MYO9A: variants seen among roughly 807,000 people sequenced by gnomAD.
MYO9A encodes unconventional myosin-IXa.
MYO9A carries 103 observed loss-of-function variants against 293.3 expected under a neutral mutation model. The observed-to-expected ratio is 0.35, with a 90% CI of 0.30 to 0.41. The LOEUF is 0.41. MYO9A is among the 10% of genes least tolerant of loss of function. MYO9A has a pLI of 1.00. For missense variants in MYO9A, 2,685 were observed against 3,033.0 expected, an observed-to-expected ratio of 0.89 and a Z score of 2.69; for synonymous variants, 1,001 against 1,035.7, an observed-to-expected ratio of 0.97 and a Z score of 0.64.
intron 8 of MYO9A, among the ~76,000 whole-genome samples, chr15:72,003,324 G>T (rs1395707061): frequency 3.5e-5 from 5 of 143,872 alleles, no homozygotes; most frequent in Non-Finnish European, 6.1e-5. Context: ...CAAAGCAAAA[G>T]AAAAAAACTA....
intron 26 of MYO9A, chr15:71,892,271 T>G (rs1435645961): frequency 6.6e-6 from 1 of 152,242 alleles, no homozygotes; most frequent in Non-Finnish European, 1.5e-5. Context: ...TAATACAAAT[T>G]CACATTACAT....
intron 32 of MYO9A, among the ~76,000 whole-genome samples, chr15:71,867,056 C>CA (rs550084965): frequency 2.9e-4 from 42 of 143,874 alleles, no homozygotes; most frequent in African/African-American, 4.1e-4. Flanking sequence ...GACTCTGTAT[C>CA]AAAAAAAACA....
chr15:71,910,182 A>ATATATATATACGTGTGTATATAT (rs1567260909), intron 19 of MYO9A, among the ~76,000 whole-genome samples: 1 of 145,736 alleles, frequency 6.9e-6, no homozygotes, highest in Non-Finnish European at 1.5e-5. Context: ...ATATATATAT[A>ATATATATATACGTGTGTATATAT]AAATCAGAAA....
chr15:71,826,804 A>ATGG lies in MYO9A; in HGVS notation c.7420_7422dup (p.Pro2474dup). 2 of 1,614,128 alleles carry ATGG rather than the reference A, an allele frequency of 1.2e-6. No individual in the cohort carries two copies. Among genetic ancestry groups the ATGG allele is most frequent in the Non-Finnish European group, 1.7e-6 (2 of 1,179,992 alleles). ...TCTTCCAGGAATTTGGTCTGGCCCA[A>ATGG]TGGTCCTTCCATTCCCAGGGCCTCA... On this transcript the variant is annotated inframe_insertion, in exon 42 of 42. Transcript: ENST00000356056.
At chr15:72,002,083 CCTCT>C (rs1227073256) in intron 8 of MYO9A, among the ~76,000 whole-genome samples, 2 of 151,984 alleles carry the variant, frequency 1.3e-5, no homozygotes, top group Admixed American at 1.3e-4. Context: ...AGCAAGACCT[CCTCT>C]CTACTAAAAA....
At chr15:72,084,873 T>C (rs1303921478) in intron 1 of MYO9A, among the ~76,000 whole-genome samples, 4 of 152,160 alleles carry the variant, frequency 2.6e-5, no homozygotes, top group Non-Finnish European at 5.9e-5. Context: ...ATGAATGAGA[T>C]CCTGAAATAT....
chr15:71,851,904 A>C (rs1432084246), intron 36 of MYO9A, among the ~76,000 whole-genome samples: 1 of 152,202 alleles, frequency 6.6e-6, no homozygotes, highest in African/African-American at 2.4e-5. Flanking sequence ...GAAGCAACCA[A>C]GTGTCTCACT....
At chr15:72,028,341 A>G (rs973411515) in intron 3 of MYO9A, among the ~76,000 whole-genome samples, 2 of 150,414 alleles carry the variant, frequency 1.3e-5, no homozygotes, top group African/African-American at 4.9e-5. Context: ...TCACTAAAGC[A>G]AAATAAAATA....
intron 34 of MYO9A, 99 bp from the exon 35 acceptor site, chr15:71,854,668 GT>G: frequency 1.1e-6 from 1 of 921,720 alleles, no homozygotes; most frequent in Non-Finnish European, 1.6e-6. Flanking sequence ...TTTCTCTGAA[GT>G]TTTATGAGCA....
intron 11 of MYO9A, among the ~76,000 whole-genome samples, chr15:71,984,662 C>T (rs1156751530): frequency 1.3e-5 from 2 of 152,282 alleles, no homozygotes; most frequent in East Asian, 3.9e-4. Context: ...TTCTTCTGGT[C>T]TATCTTCCAA....
intron 33 of MYO9A, among the ~76,000 whole-genome samples, chr15:71,862,276 C>T (rs117164880): frequency 2.0e-5 from 3 of 152,138 alleles, no homozygotes; most frequent in Non-Finnish European, 4.4e-5. Context: ...GGGACAAGAC[C>T]ATTTTAGACA....
rs149033523 is a variant in MYO9A at position 72,025,891 on chromosome 15, T to C, written c.998+1840A>G. Among the ~76,000 whole-genome samples, 995 of 152,282 alleles carry C rather than the reference T, an allele frequency of 6.5e-3. 6 individuals are homozygous for C. Among genetic ancestry groups the C allele is most frequent in the Middle Eastern group, 0.017 (5 of 294 alleles). On this transcript the variant is annotated intron_variant, in intron 4 of 41. Coordinates refer to ENST00000356056, the MANE Select transcript of MYO9A (RefSeq NM_006901.4). ...AGTCCACATGGAGTATCCTCCAGGGTAGACCATGTGTAGTCTACTACAAAA... is the reference window on the plus strand; with the variant it reads ...AGTCCACATGGAGTATCCTCCAGGGCAGACCATGTGTAGTCTACTACAAAA...
chr15:71,839,719 T>C (rs879395077), intron 39 of MYO9A, among the ~76,000 whole-genome samples: 60 of 151,524 alleles, frequency 4.0e-4, no homozygotes, highest in Admixed American at 9.2e-4. Context: ...CTGAATCGGC[T>C]TTTTTTTTGT....
intron 35 of MYO9A, 85 bp downstream of exon 35, chr15:71,854,292 T>C (rs1004881351): frequency 4.3e-5 from 47 of 1,083,006 alleles, no homozygotes; most frequent in South Asian, 2.4e-4. Flanking sequence ...AAGTAAAGGA[T>C]TGACATGTAA....
At chr15:71,912,774 A>G (rs1596175663) in intron 19 of MYO9A, among the ~76,000 whole-genome samples, 1 of 152,160 alleles carries the variant, frequency 6.6e-6, no homozygotes, top group East Asian at 1.9e-4. Context: ...TTCACCACAC[A>G]TAGAATTCTA....
At chr15:72,088,635 T>C (rs907805390) in intron 1 of MYO9A, among the ~76,000 whole-genome samples, 1 of 152,236 alleles carries the variant, frequency 6.6e-6, no homozygotes, top group Admixed American at 6.5e-5. Flanking sequence ...TTGCTAATAC[T>C]GACATTAGGC....
At chr15:71,905,580 G>A (rs1248084318) in intron 19 of MYO9A, among the ~76,000 whole-genome samples, 1 of 151,904 alleles carries the variant, frequency 6.6e-6, no homozygotes, top group African/African-American at 2.4e-5. Flanking sequence ...GAGGTCAGAA[G>A]TTTGAGACCA....
chr15:72,100,520 C>T (rs1213811632), intron 1 of MYO9A, among the ~76,000 whole-genome samples: 14 of 147,132 alleles, frequency 9.5e-5, no homozygotes, highest in Non-Finnish European at 1.8e-4. Flanking sequence ...GTGAGGAGCG[C>T]CTCTTTCCGG....
chr15:71,957,580 C>A (rs1209486248), intron 14 of MYO9A, among the ~76,000 whole-genome samples: 1 of 151,586 alleles, frequency 6.6e-6, no homozygotes, highest in African/African-American at 2.4e-5. Context: ...ATGGTGATAC[C>A]CAAATCAATT....
Sources: gnomAD v4.1 joint callset for allele counts (sites outside exome capture counted in the v4.1 genomes callset) on GRCh38, gnomAD v4.1.1 for gene constraint, MANE v1.5 for transcripts, NCBI Gene and HGNC (gene_info 2026-07-23, HGNC 2026-07-21) for gene names.